PRH1: variants seen among roughly 807,000 people sequenced by gnomAD.
PRH1 encodes salivary acidic proline-rich phosphoprotein 1/2.
Under a neutral mutation model 7.9 loss-of-function variants are expected in PRH1, and 7 were observed. That is an observed-to-expected ratio of 0.89 (90% CI 0.50 to 1.67). The LOEUF (loss-of-function observed/expected upper bound fraction) is 1.67, where lower values mean the gene tolerates loss of function less well. PRH1 is among the 40% of genes most tolerant of loss of function. PRH1 has a pLI of 0.00. For missense variants in PRH1, 109 were observed against 223.6 expected (o/e 0.49, Z 3.27); for synonymous variants, 45 against 80.8 (o/e 0.56, Z 2.38).
At chr12:10,997,433 TG>T in intron 1 of PRH1, 2 of 1,613,940 alleles carry the variant, frequency 1.2e-6, no homozygotes, top group South Asian at 2.2e-5. Flanking sequence ...TATATACGTG[TG>T]TTTCATCACA....
At chr12:10,962,477 C>A (rs1938284141) in intron 2 of PRH1, among the ~76,000 whole-genome samples, 1 of 152,148 alleles carries the variant, frequency 6.6e-6, no homozygotes, top group South Asian at 2.1e-4. Context: ...TGCATCAAGG[C>A]TATATATAGC....
chr12:11,018,173 C>T (rs1208894688), intron 1 of PRH1, among the ~76,000 whole-genome samples: 2 of 151,810 alleles, frequency 1.3e-5, no homozygotes, highest in East Asian at 1.9e-4. Context: ...CCATCAAGCC[C>T]GTAGGAGAGG....
chr12:11,061,209 C>CT (rs2136180117), intron 1 of PRH1, among the ~76,000 whole-genome samples: 1 of 116,812 alleles, frequency 8.6e-6, no homozygotes, highest in South Asian at 4.0e-4. Flanking sequence ...TACATACGCA[C>CT]TTTTTTAGAC....
At chr12:10,989,717 TA>T (rs1939836706) in intron 1 of PRH1, among the ~76,000 whole-genome samples, 1 of 152,186 alleles carries the variant, frequency 6.6e-6, no homozygotes, top group Non-Finnish European at 1.5e-5. Context: ...TTTATATTTT[TA>T]GTAATTTTCC....
intron 2 of PRH1, among the ~76,000 whole-genome samples, chr12:10,950,262 G>A (rs79835489): frequency 6.6e-6 from 1 of 152,052 alleles, no homozygotes; most frequent in African/African-American, 2.4e-5. Context: ...GTCTTATGAG[G>A]TGATCCTCCA....
chr12:10,935,554 C>T (rs574229522), intron 2 of PRH1, among the ~76,000 whole-genome samples: 1 of 152,148 alleles, frequency 6.6e-6, no homozygotes, highest in Non-Finnish European at 1.5e-5. Flanking sequence ...CATGAATTGT[C>T]CTCATTTTGT....
At chr12:10,963,037 T>C (rs1938323352) in intron 2 of PRH1, among the ~76,000 whole-genome samples, 1 of 152,222 alleles carries the variant, frequency 6.6e-6, no homozygotes, top group South Asian at 2.1e-4. Context: ...CTCAAAGTGC[T>C]GGGATTATAG....
intron 1 of PRH1, among the ~76,000 whole-genome samples, chr12:11,090,453 CA>C (rs1180809958): frequency 8.6e-6 from 1 of 116,242 alleles, no homozygotes; most frequent in Admixed American, 8.6e-5. Flanking sequence ...CATGAGATCT[CA>C]ACTTCAAAAA....
At chr12:11,034,196 CAT>C (rs750370093) in intron 1 of PRH1, among the ~76,000 whole-genome samples, 2 of 32,014 alleles carry the variant, frequency 6.2e-5, no homozygotes, top group African/African-American at 1.0e-4. Context: ...GTTGCAAGCA[CAT>C]GTGATTTTTT....
At chr12:11,094,299 C>CAAAA (rs34742610) in intron 1 of PRH1, among the ~76,000 whole-genome samples, 2 of 27,022 alleles carry the variant, frequency 7.4e-5, no homozygotes, top group Non-Finnish European at 1.4e-4. Context: ...AAGACTCTGT[C>CAAAA]AAAAAAAAAA....
At chr12:11,152,038 C>A (rs1947110372) in intron 1 of PRH1, among the ~76,000 whole-genome samples, 1 of 150,980 alleles carries the variant, frequency 6.6e-6, no homozygotes, top group African/African-American at 2.4e-5. Context: ...TTTTAAATAA[C>A]TTAATGTTTT....
chr12:11,027,330 T>C (rs865838546), intron 1 of PRH1, among the ~76,000 whole-genome samples: 5 of 150,856 alleles, frequency 3.3e-5, no homozygotes. Context: ...GCAAGTTTCT[T>C]AACTATAGTA....
At chr12:10,932,702 A>G (rs1331481492) in intron 2 of PRH1, among the ~76,000 whole-genome samples, 1 of 152,014 alleles carries the variant, frequency 6.6e-6, no homozygotes, top group Admixed American at 6.6e-5. Context: ...AAGCCACTAG[A>G]CCTATTTTCC....
intron 1 of PRH1, among the ~76,000 whole-genome samples, chr12:11,096,912 C>A (rs1436142105): frequency 8.8e-6 from 1 of 113,566 alleles, no homozygotes; most frequent in East Asian, 2.1e-4. Flanking sequence ...ATTCTCCTGC[C>A]CCAGCCTCCC....
chr12:11,112,666 T>C (rs1945622525), intron 1 of PRH1, among the ~76,000 whole-genome samples: 1 of 151,976 alleles, frequency 6.6e-6, no homozygotes, highest in Non-Finnish European at 1.5e-5. Context: ...AAATATTAAG[T>C]GCTATTTATG....
chr12:11,118,070 C>G (rs76644857), downstream of PRH1, among the ~76,000 whole-genome samples: 1,216 of 152,174 alleles, frequency 8.0e-3, 18 homozygotes, highest in African/African-American at 0.027. Context: ...CAATTGGGAT[C>G]ACATCAAGTT....
chr12:11,012,621 G>A (rs989631870), intron 1 of PRH1, among the ~76,000 whole-genome samples: 1 of 152,100 alleles, frequency 6.6e-6, no homozygotes, highest in Non-Finnish European at 1.5e-5. Flanking sequence ...CTGGAGTGCA[G>A]TGGTAGTTCA....
chr12:10,915,275 G>T (rs1275363275), intron 2 of PRH1, among the ~76,000 whole-genome samples: 1 of 152,224 alleles, frequency 6.6e-6, no homozygotes, highest in Non-Finnish European at 1.5e-5. Context: ...CTTTCAGTTT[G>T]ACAAGGTAAT....
upstream of PRH1, among the ~76,000 whole-genome samples, chr12:10,888,075 C>T (rs949371177): frequency 9.2e-5 from 14 of 151,954 alleles, no homozygotes; most frequent in African/African-American, 2.7e-4. Context: ...CATTTTTTGT[C>T]CACATTCCTT....
Sources: allele counts gnomAD v4.1 joint callset (sites outside exome capture counted in the v4.1 genomes callset), GRCh38; gene constraint gnomAD v4.1.1; transcripts MANE v1.5; gene names NCBI Gene and HGNC (gene_info 2026-07-23, HGNC 2026-07-21).